The following FILIP1L variants were observed in gnomAD, a reference collection of about 807,000 sequenced individuals.
FILIP1L encodes filamin A-interacting protein 1-like.
In FILIP1L, 55 loss-of-function variants were observed where a neutral mutation model predicts 96.6. The observed-to-expected ratio is 0.57, with a 90% CI of 0.46 to 0.71. The LOEUF is 0.71. Ranked by LOEUF, FILIP1L falls within the 30% of genes least tolerant of loss-of-function variation. FILIP1L has a pLI of 0.00. For synonymous variants in FILIP1L, 467 were observed against 473.9 expected (o/e 0.99, Z 0.19); for missense variants, 1,304 against 1,321.2 (o/e 0.99, Z 0.20).
At chr3:100,028,845 C>A (rs1177188219) in intron 1 of FILIP1L, among the ~76,000 whole-genome samples, 1 of 152,120 alleles carries the variant, frequency 6.6e-6, no homozygotes, top group Non-Finnish European at 1.5e-5. Flanking sequence ...TTACTGTGAA[C>A]TATTCAATGG....
intron 1 of FILIP1L, among the ~76,000 whole-genome samples, chr3:100,041,766 G>T (rs1167688107): frequency 4.6e-5 from 7 of 152,150 alleles, no homozygotes; most frequent in African/African-American, 1.7e-4. Flanking sequence ...AGACCTACCA[G>T]AGATCTTTTA....
intron 1 of FILIP1L, among the ~76,000 whole-genome samples, chr3:99,966,706 A>T (rs1320346319): frequency 6.6e-6 from 1 of 152,232 alleles, no homozygotes; most frequent in African/African-American, 2.4e-5. Flanking sequence ...TGAAAATAGA[A>T]TCATTCTAAT....
chr3:99,988,191 ATTC>A (rs1034629423), intron 1 of FILIP1L, among the ~76,000 whole-genome samples: 4 of 151,920 alleles, frequency 2.6e-5, no homozygotes, highest in African/African-American at 9.7e-5. Context: ...CCAACCATAT[ATTC>A]TTTTTAGAAA....
intron 1 of FILIP1L, among the ~76,000 whole-genome samples, chr3:100,009,847 G>A (rs6778589): frequency 0.77 from 117,504 of 152,124 alleles, 46,031 homozygotes; most frequent in East Asian, 0.88. Flanking sequence ...ACGTGTCCAC[G>A]TTTTCAAAAC....
At chr3:99,945,461 A>G (rs930744754) in intron 1 of FILIP1L, among the ~76,000 whole-genome samples, 1 of 152,170 alleles carries the variant, frequency 6.6e-6, no homozygotes, top group Non-Finnish European at 1.5e-5. Context: ...AGGGCAGCCA[A>G]GAGTGCGTGT....
At position 99,945,468 on chromosome 3, in the gene FILIP1L, G is replaced by A. The variant is rs568321729; in HGVS notation, c.-10-14438C>T. ...AAGCACCCAGGGCAGCCAAGAGTGC[G>A]TGTTGACTAAGGAGGGTGGCTGCTG... On this transcript the variant is annotated intron_variant, in intron 1 of 5. Coordinates refer to ENST00000477258, the MANE Select transcript of FILIP1L (RefSeq NM_001387850.1). 3.3e-5 allele frequency among the ~76,000 whole-genome samples: 5 copies of A among 152,280 alleles called. No homozygotes were observed. In the East Asian group the frequency reaches 5.8e-4, roughly 18 times the overall value.
chr3:99,906,639 T>C (rs1706627364), intron 4 of FILIP1L, among the ~76,000 whole-genome samples: 1 of 152,226 alleles, frequency 6.6e-6, no homozygotes, highest in South Asian at 2.1e-4. Flanking sequence ...AAAGGTTAAG[T>C]GGTTTGCACT....
intron 1 of FILIP1L, among the ~76,000 whole-genome samples, chr3:100,051,720 G>C (rs547932382): frequency 1.3e-5 from 2 of 151,684 alleles, no homozygotes; most frequent in African/African-American, 4.8e-5. Flanking sequence ...ATTCCATGGT[G>C]TACATGTGCC....
intron 1 of FILIP1L, among the ~76,000 whole-genome samples, chr3:99,933,431 T>C (rs952905533): frequency 6.6e-6 from 1 of 152,170 alleles, no homozygotes; most frequent in African/African-American, 2.4e-5. Context: ...GAGATGAGAT[T>C]GGGAAAAACC....
At chr3:99,969,371 A>C (rs1373934819) in intron 1 of FILIP1L, among the ~76,000 whole-genome samples, 1 of 152,226 alleles carries the variant, frequency 6.6e-6, no homozygotes, top group East Asian at 1.9e-4. Flanking sequence ...AGCAAGAATG[A>C]GTAGGAGGTT....
At chr3:100,103,134 C>G (rs778621353) in intron 1 of FILIP1L, among the ~76,000 whole-genome samples, 8 of 152,178 alleles carry the variant, frequency 5.3e-5, no homozygotes, top group African/African-American at 9.7e-5. Context: ...CCTGTTCACC[C>G]TGTGATTGTA....
At chr3:99,946,763 A>G (rs1708020339) in intron 1 of FILIP1L, among the ~76,000 whole-genome samples, 1 of 152,188 alleles carries the variant, frequency 6.6e-6, no homozygotes, top group Non-Finnish European at 1.5e-5. Flanking sequence ...TTTAGCCTTT[A>G]GTAGGGACTG....
intron 1 of FILIP1L, among the ~76,000 whole-genome samples, chr3:99,936,484 T>C (rs1707675140): frequency 1.0e-5 from 1 of 99,632 alleles, no homozygotes; most frequent in Non-Finnish European, 2.0e-5. Context: ...CAAGCAATTC[T>C]CCTGCCTCAG....
At chr3:100,082,162 T>C (rs1168071529) in intron 1 of FILIP1L, among the ~76,000 whole-genome samples, 1 of 152,176 alleles carries the variant, frequency 6.6e-6, no homozygotes, top group Admixed American at 6.5e-5. Flanking sequence ...TATTTTCCCA[T>C]TATGTTGTTT....
chr3:99,959,738 T>C (rs1419032545), intron 1 of FILIP1L, among the ~76,000 whole-genome samples: 1 of 152,230 alleles, frequency 6.6e-6, no homozygotes, highest in Non-Finnish European at 1.5e-5. Flanking sequence ...TCCACTGGAT[T>C]ATCACATTAG....
Position 100,016,225 on chromosome 3 carries a change from T to C in FILIP1L, c.-10-85195A>G, listed in dbSNP as rs566473456. On this transcript the variant is annotated intron_variant, in intron 1 of 5. Coordinates refer to ENST00000477258, the MANE Select transcript of FILIP1L (RefSeq NM_001387850.1). ...GTTTGTTTTTGAGACGCAGTTTCAC[T>C]CTTGTTGCCCAGGCTGGAGTGCAAT... Among the ~76,000 whole-genome samples the C allele has an allele frequency of 5.3e-5, 8 of 152,292 alleles. No individual in the cohort carries two copies. The South Asian group carries it at 1.5e-3, about 28-fold the overall frequency.
intron 1 of FILIP1L, among the ~76,000 whole-genome samples, chr3:100,069,933 A>G (rs2065733029): frequency 6.6e-6 from 1 of 152,238 alleles, no homozygotes; most frequent in African/African-American, 2.4e-5. Context: ...CTGGTTTGAT[A>G]GGGTAATTCA....
At chr3:99,916,328 C>G (rs971255535) in intron 4 of FILIP1L, among the ~76,000 whole-genome samples, 9 of 152,214 alleles carry the variant, frequency 5.9e-5, no homozygotes, top group Non-Finnish European at 8.8e-5. Flanking sequence ...GCTTTCAGGT[C>G]TTTCGGCTAC....
At chr3:99,897,097 G>A (rs567750700) in intron 4 of FILIP1L, among the ~76,000 whole-genome samples, 6 of 152,066 alleles carry the variant, frequency 3.9e-5, no homozygotes, top group Admixed American at 2.6e-4. Context: ...GGTGGCTCAC[G>A]CCTGTAATCC....
Sources: gnomAD v4.1 joint callset for allele counts (sites outside exome capture counted in the v4.1 genomes callset) on GRCh38, gnomAD v4.1.1 for gene constraint, MANE v1.5 for transcripts, NCBI Gene and HGNC (gene_info 2026-07-23, HGNC 2026-07-21) for gene names.